The following SH3GL2 variants were observed in gnomAD, a reference collection of about 807,000 sequenced individuals.
The protein encoded by SH3GL2 is endophilin-A1.
A neutral mutation model predicts 46.0 loss-of-function variants in SH3GL2; 24 were observed. The observed-to-expected ratio is 0.52, with a 90% CI of 0.38 to 0.73. The LOEUF is 0.73. Ranked by LOEUF, SH3GL2 falls within the 30% of genes least tolerant of loss-of-function variation. SH3GL2 has a pLI of 0.00. For synonymous variants in SH3GL2, 196 were observed against 147.1 expected (o/e 1.33, Z -2.40); for missense variants, 413 against 424.2 (o/e 0.97, Z 0.23).
At chr9:17,786,687 C>G (rs946381723) in intron 4 of SH3GL2, among the ~76,000 whole-genome samples, 163 bp downstream of exon 4, 1 of 152,154 alleles carries the variant, frequency 6.6e-6, no homozygotes, top group African/African-American at 2.4e-5. Context: ...ATTATTTCAT[C>G]CGCTCTAATG....
chr9:17,703,656 A>G (rs1821393235), intron 1 of SH3GL2, among the ~76,000 whole-genome samples: 1 of 152,144 alleles, frequency 6.6e-6, no homozygotes. Context: ...AACATATGCA[A>G]ATCAATATAT....
chr9:17,736,282 C>G (rs911720150), intron 1 of SH3GL2, among the ~76,000 whole-genome samples: 1 of 152,054 alleles, frequency 6.6e-6, no homozygotes, highest in Non-Finnish European at 1.5e-5. Context: ...TCTAGAGATA[C>G]TAATTTTCAA....
intron 1 of SH3GL2, among the ~76,000 whole-genome samples, chr9:17,705,150 A>G (rs1430017747): frequency 6.6e-6 from 1 of 152,102 alleles, no homozygotes; most frequent in African/African-American, 2.4e-5. Context: ...CATGCTCAAC[A>G]TCACTGATCA....
At chr9:17,600,423 A>C (rs1308935868) in intron 1 of SH3GL2, among the ~76,000 whole-genome samples, 13 of 152,226 alleles carry the variant, frequency 8.5e-5, no homozygotes, top group African/African-American at 2.9e-4. Flanking sequence ...AGCCTTTCTC[A>C]GGGAGACGGT....
At chr9:17,676,949 A>G (rs754087283) in intron 1 of SH3GL2, among the ~76,000 whole-genome samples, 13 of 152,094 alleles carry the variant, frequency 8.5e-5, no homozygotes, top group Non-Finnish European at 1.9e-4. Flanking sequence ...AATATGCCAT[A>G]AATTCCTTCA....
At chr9:17,655,211 AAT>A (rs1820046548) in intron 1 of SH3GL2, among the ~76,000 whole-genome samples, 1 of 152,220 alleles carries the variant, frequency 6.6e-6, no homozygotes, top group Non-Finnish European at 1.5e-5. Flanking sequence ...TTTCTGATCA[AAT>A]AAATACCTAG....
intron 1 of SH3GL2, among the ~76,000 whole-genome samples, chr9:17,596,063 G>T (rs1488194291): frequency 2.0e-5 from 3 of 152,054 alleles, no homozygotes; most frequent in African/African-American, 7.2e-5. Context: ...TGAAAACAAG[G>T]AATCGAATAA....
rs375811120 is a variant in SH3GL2 at position 17,657,477 on chromosome 9, C to T, written c.45+78190C>T. ...AACAGAGGCAGGCTGATGAGGTTGACGGATTTTGGTGTTATTCTAATTATT... is the reference window on the plus strand; with the variant it reads ...AACAGAGGCAGGCTGATGAGGTTGATGGATTTTGGTGTTATTCTAATTATT... On this transcript the variant is annotated intron_variant, in intron 1 of 8. Transcript: ENST00000380607. Among the ~76,000 whole-genome samples, 419 of 152,190 alleles carry T rather than the reference C, an allele frequency of 2.8e-3. 2 individuals are homozygous for T. The highest frequency in any genetic ancestry group is 7.7e-3 in the African/African-American group (321 of 41,534).
chr9:17,753,055 T>A (rs1423232064), intron 2 of SH3GL2, among the ~76,000 whole-genome samples: 1 of 152,240 alleles, frequency 6.6e-6, no homozygotes, highest in Non-Finnish European at 1.5e-5. Flanking sequence ...CTTTTATGGC[T>A]GCATAGTATT....
intron 1 of SH3GL2, among the ~76,000 whole-genome samples, chr9:17,625,213 G>T (rs1283617733): frequency 1.3e-5 from 2 of 152,152 alleles, no homozygotes; most frequent in Admixed American, 6.5e-5. Context: ...GTGTGAATGG[G>T]CAGGGGGAGG....
At chr9:17,788,231 G>A (rs1824018324) in intron 5 of SH3GL2, among the ~76,000 whole-genome samples, 1 of 152,058 alleles carries the variant, frequency 6.6e-6, no homozygotes, top group Non-Finnish European at 1.5e-5. Flanking sequence ...AGTACCATTT[G>A]CTCAAGATTA....
intron 1 of SH3GL2, among the ~76,000 whole-genome samples, chr9:17,614,720 G>A (rs759026032): frequency 2.0e-5 from 3 of 152,104 alleles, no homozygotes; most frequent in Non-Finnish European, 2.9e-5. Flanking sequence ...CAGGGAGATC[G>A]TATTTCCTAA....
At chr9:17,780,482 A>T (rs558308114) in intron 3 of SH3GL2, among the ~76,000 whole-genome samples, 12 of 147,930 alleles carry the variant, frequency 8.1e-5, no homozygotes, top group African/African-American at 2.3e-4. Flanking sequence ...TTTTTTTTTA[A>T]TTTTTTTTTT....
intron 1 of SH3GL2, among the ~76,000 whole-genome samples, chr9:17,601,877 T>C (rs1818678963): frequency 6.6e-6 from 1 of 152,124 alleles, no homozygotes; most frequent in South Asian, 2.1e-4. Flanking sequence ...TGCTGCCAAA[T>C]AGGTAAAAGT....
intron 1 of SH3GL2, among the ~76,000 whole-genome samples, chr9:17,619,843 T>C (rs928667971): frequency 1.3e-4 from 20 of 152,224 alleles, no homozygotes; most frequent in Non-Finnish European, 2.1e-4. Flanking sequence ...GAGAATGTTT[T>C]AATGGGGCTT....
rs374620340 is a variant in SH3GL2, at chr9:17,791,011, C to G, written c.625-220C>G. Reference sequence around the variant, plus strand: ...ACCCATGTTGCTTCTCCTCATGGTACTGATACGCATGATTCTAAGCATAAG... The same window carrying G: ...ACCCATGTTGCTTCTCCTCATGGTAGTGATACGCATGATTCTAAGCATAAG... On this transcript the variant is annotated intron_variant, in intron 6 of 8. Transcript: ENST00000380607. Among the ~76,000 whole-genome samples, 9 of 152,280 alleles carry G rather than the reference C, an allele frequency of 5.9e-5. No individual in the cohort carries two copies. In the South Asian group the frequency reaches 6.2e-4, roughly 11 times the overall value.
At chr9:17,717,840 C>G (rs1821799618) in intron 1 of SH3GL2, among the ~76,000 whole-genome samples, 1 of 152,108 alleles carries the variant, frequency 6.6e-6, no homozygotes, top group African/African-American at 2.4e-5. Context: ...GTACTAGCAG[C>G]TGCTCCATAC....
At chr9:17,661,389 C>T (rs1413130055) in intron 1 of SH3GL2, among the ~76,000 whole-genome samples, 3 of 151,934 alleles carry the variant, frequency 2.0e-5, no homozygotes, top group African/African-American at 7.3e-5. Flanking sequence ...GAGCAGTGGA[C>T]ACAAAATTGA....
chr9:17,627,157 A>G (rs975552851), intron 1 of SH3GL2, among the ~76,000 whole-genome samples: 8 of 152,316 alleles, frequency 5.3e-5, no homozygotes, highest in African/African-American at 1.7e-4. Flanking sequence ...AGTTTTTTCA[A>G]TACACTCAAG....
Sources: allele counts gnomAD v4.1 joint callset (sites outside exome capture counted in the v4.1 genomes callset), GRCh38; gene constraint gnomAD v4.1.1; transcripts MANE v1.5; gene names NCBI Gene and HGNC (gene_info 2026-07-23, HGNC 2026-07-21).